Variants in ASPSCR1 observed in about 807,000 individuals in gnomAD.
ASPSCR1 encodes tether containing UBX domain for GLUT4.
In ASPSCR1, 55 loss-of-function variants were observed where a neutral mutation model predicts 68.9. The observed-to-expected ratio is 0.80, with a 90% CI of 0.64 to 1.00. The LOEUF is 1.00. Among genes scored for constraint, ASPSCR1 ranks in the 50% least tolerant of loss-of-function variants. The pLI, the probability that ASPSCR1 is intolerant of heterozygous loss-of-function variation, is 0.00. For missense variants in ASPSCR1, 765 were observed against 762.2 expected (o/e 1.00, Z -0.04); for synonymous variants, 352 against 332.6 (o/e 1.06, Z -0.63).
At position 81,995,516 on chromosome 17, in the gene ASPSCR1, G is replaced by A. The variant is rs553715791; in HGVS notation, c.433-476G>A. On this transcript the variant is annotated intron_variant, in intron 5 of 15. Coordinates refer to ENST00000306739, the MANE Select transcript of ASPSCR1 (RefSeq NM_024083.4). ...GTGCTGGGCCATTGACTGTGCCCTCGCTAGAGGCAGCTTCTCCACCCCTTC... is the reference window on the plus strand; with the variant it reads ...GTGCTGGGCCATTGACTGTGCCCTCACTAGAGGCAGCTTCTCCACCCCTTC... The A allele has an allele frequency of 1.9e-4, 50 of 267,722 alleles. 1 individual carries two copies. In the South Asian group the frequency reaches 2.0e-3, roughly 11 times the overall value. 16.6% of individuals were successfully genotyped at this position (267,722 alleles called of 1,614,324 possible).
chr17:82,015,659 G>A, intron 12 of ASPSCR1: 1 of 435,874 alleles, frequency 2.3e-6, no homozygotes, highest in South Asian at 2.8e-5. Context: ...TGTCCCCTGG[G>A]CTTCTGTGAG....
rs112403819 is a variant in ASPSCR1, at chr17:82,016,804, C to G, written c.1410C>G (p.Val470=). The change falls in exon 14 of 16, where the codon GTC becomes GTG. Residue 470 remains valine, a synonymous_variant. Transcript: ENST00000306739. The part of the protein sequence containing the change: ...VHLGAEEPAG[V]YLEPGLLEHA... ...TGAGCTTGGGCCTCCCTGCAGGTGT[C>G]TACCTGGAGCCTGGCCTGCTGGAGC... The G allele has an allele frequency of 1.3e-3, 2,016 of 1,609,866 alleles. 22 individuals are homozygous for G. In the African/African-American group the frequency reaches 0.022, roughly 17 times the overall value.
chr17:82,013,884 TCA>T lies in ASPSCR1; in HGVS notation c.1353+1606_1353+1607del, dbSNP rs574895352. 1.8e-3 allele frequency: 275 copies of T among 152,400 alleles called. 1 individual carries two copies. Among genetic ancestry groups the T allele is most frequent in the South Asian group, 6.6e-3 (32 of 4,832 alleles). 9.4% of individuals were successfully genotyped at this position (152,400 alleles called of 1,614,324 possible). On this transcript the variant is annotated intron_variant, in intron 12 of 15. Transcript: ENST00000306739. ...CAGGGCTGGCCCTGCCCTGGTGTCC[TCA>T]CACAGTCACTTCTGTGTGCGGTCCG... is the stretch of plus-strand genomic sequence containing the variant.
chr17:82,002,530 C>T (rs772927018), intron 7 of ASPSCR1, among the ~76,000 whole-genome samples: 9 of 152,012 alleles, frequency 5.9e-5, no homozygotes, highest in Non-Finnish European at 1.0e-4. Context: ...GCTGGGATTA[C>T]AGGTGTGAGC....
rs1414852777 is a variant in ASPSCR1 at position 82,002,173 on chromosome 17, A to AT, written c.933+5332dup. The stretch of plus-strand genomic sequence containing the variant: ...CTGGCCTCTTTTCATCTTCTAAAGT[A>AT]TTTTTCTTTTTAAAATTAAAAAGTG... On this transcript the variant is annotated intron_variant, in intron 7 of 15. Coordinates refer to ENST00000306739, the MANE Select transcript of ASPSCR1 (RefSeq NM_024083.4). Among the ~76,000 whole-genome samples, 7 of 147,414 alleles carry AT rather than the reference A, an allele frequency of 4.7e-5. No individual in the cohort carries two copies. In the East Asian group the frequency reaches 1.4e-3, roughly 29 times the overall value.
chr17:81,999,239 A>G lies in ASPSCR1; in HGVS notation c.933+2393A>G, dbSNP rs1333682323. On this transcript the variant is annotated intron_variant, in intron 7 of 15. Coordinates refer to ENST00000306739, the MANE Select transcript of ASPSCR1 (RefSeq NM_024083.4). The surrounding 1 kb of genome is among the most constrained non-coding windows in gnomAD (Gnocchi z 4.4). ...GGCCAGGCTGCCAGCTGCCAGCCAC[A>G]GCCCAGGGGCCAGGTCAGAGCTTCT... is the stretch of plus-strand genomic sequence containing the variant. Among the ~76,000 whole-genome samples, 2 of 152,246 alleles carry G rather than the reference A, an allele frequency of 1.3e-5. No homozygotes were observed. The highest frequency in any genetic ancestry group is 6.5e-5 in the Admixed American group (1 of 15,288).
chr17:81,995,390 C>G (rs2042303511), intron 5 of ASPSCR1: 1 of 230,226 alleles, frequency 4.3e-6, no homozygotes, highest in African/African-American at 2.3e-5. Flanking sequence ...AGGTTCAGGT[C>G]TACGTCCTCC....
At position 81,983,759 on chromosome 17, in the gene ASPSCR1, G is replaced by A. The variant is rs2041874858; in HGVS notation, c.273+91G>A. 11 of 1,109,900 alleles carry A rather than the reference G, an allele frequency of 9.9e-6. No individual in the cohort carries two copies. In the South Asian group the frequency reaches 1.3e-4, roughly 14 times the overall value. The allele number at this position is 1,109,900 out of a possible 1,614,324, so 68.8% of individuals were successfully genotyped here. On this transcript the variant is annotated intron_variant, in intron 3 of 15. Coordinates refer to ENST00000306739, the MANE Select transcript of ASPSCR1 (RefSeq NM_024083.4). This position sits in a 1 kb window ranked among gnomAD's most constrained non-coding sequence, Gnocchi z 4.4. ...GGGACGGGACAGTGGGGGGTGCTGG[G>A]GAAGGAGGGACATGAGTCTTAGCAC...
intron 4 of ASPSCR1, among the ~76,000 whole-genome samples, chr17:81,991,555 A>G (rs2042164953): frequency 6.6e-6 from 1 of 151,820 alleles, no homozygotes; most frequent in Non-Finnish European, 1.5e-5. Flanking sequence ...GTCCCTGTCC[A>G]TCCCTGCCCG....
At position 81,994,872 on chromosome 17, in the gene ASPSCR1, G is replaced by T. The variant is rs765133691; in HGVS notation, c.426G>T (p.Arg142Ser). The T allele has an allele frequency of 4.3e-6, 7 of 1,611,720 alleles. No homozygotes were observed. In the African/African-American group the frequency reaches 9.3e-5, roughly 22 times the overall value. Residue 142 changes from arginine to serine, a missense_variant, in exon 5 of 16, where the codon AGG (arginine) becomes AGT (serine). By Grantham distance (110) the Arg-to-Ser change is moderately radical. Transcript: ENST00000306739. ...GGATPVCVYT[R>S]DEVTGEAALR... Reference sequence around the variant, plus strand: ...CCACCCCAGTCTGCGTGTACACGAGGGATGAGGTAGGCGGCCTGCTCTTGC... The same window carrying T: ...CCACCCCAGTCTGCGTGTACACGAGTGATGAGGTAGGCGGCCTGCTCTTGC...
At chr17:82,010,330 C>T (rs900086334) in intron 9 of ASPSCR1, among the ~76,000 whole-genome samples, 2 of 151,206 alleles carry the variant, frequency 1.3e-5, no homozygotes, top group African/African-American at 2.4e-5. Flanking sequence ...GAGATCGAGA[C>T]CATCCTGGCT....
At chr17:82,009,616 C>T (rs1439503104) in intron 9 of ASPSCR1, 49 bp downstream of exon 9, 3 of 1,523,036 alleles carry the variant, frequency 2.0e-6, no homozygotes, top group Non-Finnish European at 2.7e-6. Flanking sequence ...CTGAGGGGGC[C>T]CCCCGTGAGG....
chr17:81,984,148 G>A (rs908200350), intron 3 of ASPSCR1, among the ~76,000 whole-genome samples: 5 of 152,054 alleles, frequency 3.3e-5, no homozygotes, highest in Admixed American at 1.3e-4. Context: ...GAGCCTCTGC[G>A]CCCCGCCCAC....
rs1290808882 is a variant in ASPSCR1, at chr17:82,016,861, G to C, written c.1467G>C (p.Leu489=). ...TCTCCCCATCTGCGGCCGATGTGCT[G>C]GTGGCCAGGTAAGTGCCGGTGGGTC... ...HAISPSAADV[L]VARYMSRAAG... The change falls in exon 14 of 16, where the codon CTG becomes CTC. Residue 489 remains leucine, a synonymous_variant. Coordinates refer to ENST00000306739, the MANE Select transcript of ASPSCR1 (RefSeq NM_024083.4). 6.2e-7 allele frequency: 1 copy of C among 1,612,470 alleles called. No homozygotes were observed. The highest frequency in any genetic ancestry group is 1.7e-5 in the Admixed American group (1 of 60,014).
At chr17:82,012,046 C>A (rs963222857) in intron 11 of ASPSCR1, 185 bp from the exon 12 acceptor site, 2 of 759,146 alleles carry the variant, frequency 2.6e-6, no homozygotes, top group East Asian at 5.3e-5. Flanking sequence ...GCCTGCCCCC[C>A]ACCGGCCCTT....
chr17:81,991,524 C>T (rs1280750796), intron 4 of ASPSCR1, among the ~76,000 whole-genome samples: 1 of 152,188 alleles, frequency 6.6e-6, no homozygotes, highest in East Asian at 1.9e-4. Flanking sequence ...GCTGCTGGGC[C>T]AGCTCAGAGC....
At position 81,985,663 on chromosome 17, in the gene ASPSCR1, G is replaced by C. The variant is rs2041972758; in HGVS notation, c.374+56G>C. The stretch of plus-strand genomic sequence containing the variant: ...TACCCTGTTTGCTGGGGAAGCTGCT[G>C]TGGTTACTGGGTCTGGTTCAGAGCT... On this transcript the variant is annotated intron_variant, in intron 4 of 15. Transcript: ENST00000306739. 6 of 1,548,102 alleles carry C rather than the reference G, an allele frequency of 3.9e-6. No homozygotes were observed. The Admixed American group carries it at 6.8e-5, about 18-fold the overall frequency.
intron 2 of ASPSCR1, 35 bp downstream of exon 2, chr17:81,979,274 T>A (rs1357783136): frequency 6.2e-7 from 1 of 1,603,076 alleles, no homozygotes; most frequent in Non-Finnish European, 8.5e-7. Context: ...AGGGTCTGAG[T>A]ATATCTGTGC....
Position 81,996,357 on chromosome 17 carries a change from G to A in ASPSCR1, c.507-63G>A, listed in dbSNP as rs543104283. On this transcript the variant is annotated intron_variant, in intron 6 of 15. Coordinates refer to ENST00000306739, the MANE Select transcript of ASPSCR1 (RefSeq NM_024083.4). ...GGGCGGGAGAGGGTGAGCCTGGGCC[G>A]GGAGAGGGTGAGCCGGGGGTAGGCA... 37 of 1,525,570 alleles carry A rather than the reference G, an allele frequency of 2.4e-5. No individual in the cohort carries two copies. The Admixed American group carries it at 4.0e-4, about 16-fold the overall frequency. 94.5% of individuals were successfully genotyped at this position (1,525,570 alleles called of 1,614,324 possible).
Sources: allele counts gnomAD v4.1 joint callset (sites outside exome capture counted in the v4.1 genomes callset), GRCh38; gene constraint gnomAD v4.1.1; non-coding constraint Gnocchi (gnomAD v3.1); transcripts MANE v1.5; gene names NCBI Gene and HGNC (gene_info 2026-07-23, HGNC 2026-07-21).